Variants in CEP250 observed in about 807,000 individuals in gnomAD.
CEP250 encodes the protein centrosomal protein 250, also known as centrosome-associated protein CEP250.
CEP250 carries 242 observed loss-of-function variants against 315.7 expected under a neutral mutation model. That is an observed-to-expected ratio of 0.77 (90% confidence interval 0.69 to 0.85). The LOEUF (loss-of-function observed/expected upper bound fraction) is 0.85. Ranked by LOEUF, CEP250 falls within the 40% of genes least tolerant of loss-of-function variation. The pLI, the probability that CEP250 is intolerant of heterozygous loss-of-function variation, is 0.00. For synonymous variants in CEP250, 1,088 were observed against 1,175.0 expected (o/e 0.93, Z 1.51); for missense variants, 2,515 against 2,886.4 (o/e 0.87, Z 2.95).
intron 20 of CEP250, among the ~76,000 whole-genome samples, chr20:35,485,644 G>GTTTTTT (rs2063487971): frequency 2.0e-5 from 1 of 49,686 alleles, no homozygotes; most frequent in African/African-American, 5.1e-5. Flanking sequence ...CGTCTGCCTG[G>GTTTTTT]CTTTTTTTTT....
Position 35,502,416 on chromosome 20 carries a change from C to A in CEP250, c.4047C>A (p.Ala1349=). 6.2e-7 allele frequency: 1 copy of A among 1,613,346 alleles called. No homozygotes were observed. The highest frequency in any genetic ancestry group is 8.5e-7 in the Non-Finnish European group (1 of 1,179,638). ...AQGERELLQA[A]KENLTAQVEH... is the part of the protein sequence containing the mutation. ...GTGAGCGAGAGTTACTTCAGGCAGCCAAGGAGAACCTGACAGCCCAGGTGG... is the reference window on the plus strand; with the variant it reads ...GTGAGCGAGAGTTACTTCAGGCAGCAAAGGAGAACCTGACAGCCCAGGTGG... Residue 1349 remains alanine (A), a synonymous_variant, in exon 30 of 35, where the codon GCC becomes GCA. Transcript: ENST00000397527.
chr20:35,501,819 T>C, intron 28 of CEP250, 26 bp from the exon 29 acceptor site: 1 of 1,423,898 alleles, frequency 7.0e-7, no homozygotes, highest in Non-Finnish European at 9.1e-7. Context: ...CCACTACCTC[T>C]CCTCTCCTCT....
chr20:35,474,608 T>C lies in CEP250; in HGVS notation c.1571+556T>C, dbSNP rs544909317. ...GGGTAAGACTTATACAGGGAAGTAG[T>C]GGGAAATGTGCTAGCTGGTCAAGAA... On this transcript the variant is annotated intron_variant, in intron 14 of 34. Coordinates refer to ENST00000397527, the MANE Select transcript of CEP250 (RefSeq NM_007186.6). Among the ~76,000 whole-genome samples the C allele has an allele frequency of 9.2e-5, 14 of 152,264 alleles. No homozygotes were observed. The East Asian group carries it at 2.7e-3, about 29-fold the overall frequency.
intron 7 of CEP250, 110 bp downstream of exon 7, chr20:35,466,314 T>A (rs1000376368): frequency 5.5e-5 from 72 of 1,315,522 alleles, no homozygotes; most frequent in Non-Finnish European, 7.1e-5. Flanking sequence ...AACTGAGCTG[T>A]TGCTGTTAAA....
In CEP250 at chr20:35,508,980, T is replaced by C. The variant is rs2064276350; in HGVS notation, c.6944T>C (p.Met2315Thr). Reference sequence around the variant, plus strand: ...CGGAGGAAGCTGAAGAGGGAGGCCATGCGTGCGGCCCAGGCAGGGTCCCTA... The same window carrying C: ...CGGAGGAAGCTGAAGAGGGAGGCCACGCGTGCGGCCCAGGCAGGGTCCCTA... ...RERRKLKREA[M>T]RAAQAGSLEI... The change falls in exon 33 of 35, where the codon ATG becomes ACG. Residue 2315 changes from methionine (M) to threonine (T), a missense_variant. Physicochemically the swap from Met to Thr is moderately conservative, Grantham distance 81 (BLOSUM62 -1). Coordinates refer to ENST00000397527, the MANE Select transcript of CEP250 (RefSeq NM_007186.6). 1 of 1,557,956 alleles carries C rather than the reference T, an allele frequency of 6.4e-7. No homozygotes were observed.
At chr20:35,494,989 G>A (rs1488197531) in intron 24 of CEP250, among the ~76,000 whole-genome samples, 1 of 151,972 alleles carries the variant, frequency 6.6e-6, no homozygotes, top group Non-Finnish European at 1.5e-5. Context: ...TATGACACAT[G>A]GAGGAAACAG....
Position 35,503,384 on chromosome 20 carries a change from A to C in CEP250, c.5015A>C (p.Asp1672Ala). 2 of 1,614,180 alleles carry C rather than the reference A, an allele frequency of 1.2e-6. No individual in the cohort carries two copies. The highest frequency in any genetic ancestry group is 1.7e-6 in the Non-Finnish European group (2 of 1,180,028). Residue 1672 changes from aspartate to alanine, a missense_variant, in exon 30 of 35, where the codon GAT (aspartate) becomes GCT (alanine). By Grantham distance (126) the Asp-to-Ala change is moderately radical (BLOSUM62 -2). Transcript: ENST00000397527. The surrounding 1 kb of genome is among the most constrained non-coding windows in gnomAD (Gnocchi z 4.2). ...AAGGAGAGGATTCAGGTTCTCGAGG[A>C]TCAGAGGACCCGGCAGACCAAGATC... ...LQKERIQVLEDQRTRQTKILE... is the reference protein window; with the variant it reads ...LQKERIQVLEAQRTRQTKILE...
At chr20:35,473,185 C>CT (rs1555834164) in intron 12 of CEP250, among the ~76,000 whole-genome samples, 189 bp from the exon 13 acceptor site, 1 of 152,182 alleles carries the variant, frequency 6.6e-6, no homozygotes, top group Non-Finnish European at 1.5e-5. Context: ...ATGACGAACT[C>CT]TAAGAATCTA....
In CEP250 at chr20:35,466,140, T is replaced by C. The variant is rs779109342; in HGVS notation, c.428T>C (p.Val143Ala). ...AGGGAAGATGTGGAAAAACTGACAGTGGACTGGAGCCGGGCCCGGGATGAG... is the reference window on the plus strand; with the variant it reads ...AGGGAAGATGTGGAAAAACTGACAGCGGACTGGAGCCGGGCCCGGGATGAG... ...ALREDVEKLT[V>A]DWSRARDELM... Residue 143 changes from valine to alanine, a missense_variant, in exon 7 of 35, where the codon GTG (valine) becomes GCG (alanine). Transcript: ENST00000397527. 1.9e-6 allele frequency: 3 copies of C among 1,613,422 alleles called. No homozygotes were observed. Among genetic ancestry groups the C allele is most frequent in the African/African-American group, 2.7e-5 (2 of 74,868 alleles).
In CEP250 at chr20:35,497,752, G is replaced by A; in HGVS notation, c.3340G>A (p.Glu1114Lys). ...ELLRQEVKEK[E>K]ADFLAQEAQL... ...ACTAAGGCAAGAGGTGAAGGAAAAG[G>A]AGGCTGACTTTCTGGCCCAGGAAGC... Residue 1114 changes from glutamate to lysine, a missense_variant, in exon 26 of 35, where the codon GAG (glutamate) becomes AAG (lysine). Glu to Lys is a moderately conservative substitution (Grantham distance 56, BLOSUM62 1). Coordinates refer to ENST00000397527, the MANE Select transcript of CEP250 (RefSeq NM_007186.6). 6.4e-7 allele frequency: 1 copy of A among 1,558,944 alleles called. No homozygotes were observed. The highest frequency in any genetic ancestry group is 8.7e-7 in the Non-Finnish European group (1 of 1,150,588).
At position 35,504,662 on chromosome 20, in the gene CEP250, A is replaced by G. The variant is rs1423563082; in HGVS notation, c.6293A>G (p.Glu2098Gly). Residue 2098 changes from glutamate to glycine, a missense_variant, in exon 30 of 35, where the codon GAG (glutamate) becomes GGG (glycine). Glu to Gly is a moderately conservative substitution (Grantham distance 98). Coordinates refer to ENST00000397527, the MANE Select transcript of CEP250 (RefSeq NM_007186.6). Reference protein sequence around the residue: ...EIRGLHQSVRELQLTLAQKEQ... With the variant: ...EIRGLHQSVRGLQLTLAQKEQ... ...AGGGGCCTTCATCAGAGTGTAAGGG[A>G]GCTACAGCTGACTCTAGCCCAAAAG... 1 of 1,614,008 alleles carries G rather than the reference A, an allele frequency of 6.2e-7. No individual in the cohort carries two copies. The highest frequency in any genetic ancestry group is 1.3e-5 in the African/African-American group (1 of 74,924).
Position 35,517,752 on chromosome 20 carries a change from CAA to C in CEP250, c.*6141_*6142del, listed in dbSNP as rs11399738. Reference sequence around the variant, plus strand: ...GAGTGATAAAAGTGAGACCCTGTCTCAAAAAAAAAAAAAAAATTAAAGAAGTT... The same window carrying C: ...GAGTGATAAAAGTGAGACCCTGTCTCAAAAAAAAAAAAAATTAAAGAAGTT... On this transcript the variant is annotated 3_prime_UTR_variant, in exon 35 of 35. Coordinates refer to ENST00000397527, the MANE Select transcript of CEP250 (RefSeq NM_007186.6). 36 of 122,608 alleles carry C rather than the reference CAA, an allele frequency of 2.9e-4. No individual in the cohort carries two copies. Among genetic ancestry groups the C allele is most frequent in the African/African-American group, 5.5e-4 (19 of 34,350 alleles). 7.6% of individuals were successfully genotyped at this position (122,608 alleles called of 1,614,324 possible).
chr20:35,472,065 G>C lies in CEP250; in HGVS notation c.964G>C (p.Glu322Gln). The change falls in exon 11 of 35, where the codon GAA (glutamate) becomes CAA (glutamine). Residue 322 changes from glutamate to glutamine, a missense_variant. Coordinates refer to ENST00000397527, the MANE Select transcript of CEP250 (RefSeq NM_007186.6). ...TVEILETNHT[E>Q]LMEHEASLSR... ...CCCTGTTCAGGAGACAAATCACACA[G>C]AATTAATGGAACATGAAGCATCTCT... is the stretch of plus-strand genomic sequence containing the variant. 3 of 1,608,722 alleles carry C rather than the reference G, an allele frequency of 1.9e-6. No homozygotes were observed. The South Asian group carries it at 3.3e-5, about 18-fold the overall frequency.
chr20:35,499,322 A>G (rs1443880486), intron 27 of CEP250, among the ~76,000 whole-genome samples: 1 of 152,196 alleles, frequency 6.6e-6, no homozygotes, highest in African/African-American at 2.4e-5. Flanking sequence ...ATTGTTTTCC[A>G]TCATCTTCCA....
chr20:35,464,691 G>A (rs1487403744), intron 5 of CEP250, among the ~76,000 whole-genome samples: 1 of 152,162 alleles, frequency 6.6e-6, no homozygotes, highest in Non-Finnish European at 1.5e-5. Flanking sequence ...GGGAGGTCAT[G>A]GTGGGTGGGT....
chr20:35,485,822 G>A (rs1182936430), intron 20 of CEP250, among the ~76,000 whole-genome samples: 3 of 115,420 alleles, frequency 2.6e-5, no homozygotes, highest in Non-Finnish European at 5.3e-5. Flanking sequence ...GCCTGGCTAA[G>A]TTTTTTTTTT....
intron 14 of CEP250, 120 bp from the exon 15 acceptor site, chr20:35,475,382 A>G (rs1245696686): frequency 3.9e-6 from 4 of 1,030,858 alleles, no homozygotes; most frequent in Non-Finnish European, 5.7e-6. Flanking sequence ...ATCTTTCCTT[A>G]TCAGTGTTTA....
At chr20:35,489,432 C>T (rs945837087) in intron 20 of CEP250, among the ~76,000 whole-genome samples, 7 of 152,230 alleles carry the variant, frequency 4.6e-5, no homozygotes, top group Admixed American at 6.5e-5. Context: ...CTGTGTGCTA[C>T]GCACATTTAA....
intron 22 of CEP250, among the ~76,000 whole-genome samples, chr20:35,491,974 A>G (rs922966460): frequency 6.6e-6 from 1 of 152,066 alleles, no homozygotes; most frequent in East Asian, 1.9e-4. Flanking sequence ...AGGAACTTAC[A>G]TTCCTGTGGC....
Sources: allele counts gnomAD v4.1 joint callset (sites outside exome capture counted in the v4.1 genomes callset), GRCh38; gene constraint gnomAD v4.1.1; non-coding constraint Gnocchi (gnomAD v3.1); transcripts MANE v1.5; gene names NCBI Gene and HGNC (gene_info 2026-07-23, HGNC 2026-07-21).